The following UBE2W variants were observed in gnomAD, a reference collection of about 807,000 sequenced individuals.
UBE2W encodes ubiquitin conjugating enzyme E2 W.
A neutral mutation model predicts 27.2 loss-of-function variants in UBE2W; 18 were observed. The ratio of observed to expected loss-of-function variants is 0.66; its 90% CI spans 0.46 to 0.98. UBE2W has a LOEUF of 0.98. UBE2W is among the 50% of genes least tolerant of loss of function. The probability of loss-of-function intolerance (pLI) is 0.00; values close to 1 mark genes in which losing one functional copy is unlikely to be tolerated. For synonymous variants in UBE2W, 53 were observed against 57.2 expected (o/e 0.93, Z 0.33); for missense variants, 90 against 180.2 (o/e 0.50, Z 2.87).
chr8:73,809,493 C>T (rs1015508742), intron 4 of UBE2W, among the ~76,000 whole-genome samples: 1 of 152,014 alleles, frequency 6.6e-6, no homozygotes. Flanking sequence ...CTATACTAAC[C>T]CTTAAGCAGG....
chr8:73,842,356 TGTCTC>T, intron 1 of UBE2W, among the ~76,000 whole-genome samples: 1 of 151,376 alleles, frequency 6.6e-6, no homozygotes, highest in African/African-American at 2.4e-5. Flanking sequence ...GGTGAAACCC[TGTCTC>T]GACTAAAAAT....
intron 5 of UBE2W, among the ~76,000 whole-genome samples, chr8:73,797,220 T>C (rs1031161463): frequency 6.6e-6 from 1 of 152,104 alleles, no homozygotes. Flanking sequence ...CTCCTGAGAA[T>C]AAAAACTATC....
chr8:73,835,637 G>A (rs1451487734), intron 1 of UBE2W, among the ~76,000 whole-genome samples: 1 of 152,222 alleles, frequency 6.6e-6, no homozygotes, highest in African/African-American at 2.4e-5. Flanking sequence ...TCGGCTACTC[G>A]GGAGGCTGAG....
At chr8:73,811,146 C>T (rs1809134341) in intron 3 of UBE2W, among the ~76,000 whole-genome samples, 1 of 152,156 alleles carries the variant, frequency 6.6e-6, no homozygotes. Context: ...TAAACTTACA[C>T]ATCCATTATG....
chr8:73,815,861 C>T, intron 3 of UBE2W, among the ~76,000 whole-genome samples: 1 of 152,086 alleles, frequency 6.6e-6, no homozygotes, highest in Non-Finnish European at 1.5e-5. Flanking sequence ...TCTCTGATTA[C>T]AATTATTATA....
intron 5 of UBE2W, among the ~76,000 whole-genome samples, chr8:73,799,923 A>G (rs1360987301): frequency 1.1e-4 from 16 of 152,214 alleles, no homozygotes; most frequent in Admixed American, 1.0e-3. Context: ...TTATACTGGA[A>G]CAAAGCAGTA....
chr8:73,831,048 G>A (rs2130909301), intron 1 of UBE2W: 1 of 199,426 alleles, frequency 5.0e-6, no homozygotes, highest in East Asian at 1.3e-4. Context: ...ACGGAACATG[G>A]AAACTCCACA....
intron 3 of UBE2W, among the ~76,000 whole-genome samples, chr8:73,813,542 C>A (rs1363576420): frequency 6.6e-6 from 1 of 152,190 alleles, no homozygotes. Context: ...CTTTTAGCAA[C>A]CAAAACCAGG....
intron 2 of UBE2W, among the ~76,000 whole-genome samples, 194 bp from the exon 3 acceptor site, chr8:73,825,443 G>A (rs553157052): frequency 1.8e-4 from 28 of 152,162 alleles, no homozygotes; most frequent in African/African-American, 4.8e-4. Flanking sequence ...GACACTCAGC[G>A]GTGAAATAAC....
intron 1 of UBE2W, among the ~76,000 whole-genome samples, chr8:73,840,349 T>C (rs893490209): frequency 6.6e-6 from 1 of 152,140 alleles, no homozygotes; most frequent in Non-Finnish European, 1.5e-5. Flanking sequence ...AGACACCACA[T>C]CCAGCCAAAG....
chr8:73,878,496 CGTGT>C (rs1174588977), intron 1 of UBE2W, among the ~76,000 whole-genome samples: 1 of 152,134 alleles, frequency 6.6e-6, no homozygotes, highest in Non-Finnish European at 1.5e-5. Context: ...TGGCAGCGCC[CGTGT>C]GTGTGTGCGG....
chr8:73,830,334 C>T (rs1810020627), intron 2 of UBE2W, 47 bp downstream of exon 2: 1 of 1,359,662 alleles, frequency 7.4e-7, no homozygotes, highest in Non-Finnish European at 1.0e-6. Context: ...AACATTCATA[C>T]ATTATTGGTA....
chr8:73,871,330 G>A lies in UBE2W; in HGVS notation c.15+7478C>T, dbSNP rs1002459610. ...AGTTGCCTATATACCAACATGGGGA[G>A]TACTACAGAAAACAAGTTTGGGTAA... On this transcript the variant is annotated intron_variant, in intron 1 of 5. Transcript: ENST00000602593. Among the ~76,000 whole-genome samples, 4 of 152,194 alleles carry A rather than the reference G, an allele frequency of 2.6e-5. No homozygotes were observed. In the East Asian group the frequency reaches 7.7e-4, roughly 29 times the overall value.
At chr8:73,822,106 C>T (rs1455474015) in intron 3 of UBE2W, among the ~76,000 whole-genome samples, 5 of 152,188 alleles carry the variant, frequency 3.3e-5, no homozygotes, top group Admixed American at 3.3e-4. Flanking sequence ...CCACAGACCC[C>T]TGGACCGGCC....
downstream of UBE2W, among the ~76,000 whole-genome samples, chr8:73,785,624 C>T (rs909763354): frequency 5.3e-5 from 8 of 152,022 alleles, no homozygotes; most frequent in African/African-American, 1.4e-4. Flanking sequence ...GACGGAATCT[C>T]GCTCTGTCCC....
chr8:73,787,539 G>A lies in UBE2W; in HGVS notation c.*6563C>T, dbSNP rs1036614020. The A allele has an allele frequency of 1.0e-6, 1 of 985,262 alleles. No homozygotes were observed. The highest frequency in any genetic ancestry group is 1.2e-6 in the Non-Finnish European group (1 of 829,930). 61.0% of individuals were successfully genotyped at this position (985,262 alleles called of 1,614,324 possible). On this transcript the variant is annotated 3_prime_UTR_variant, in exon 6 of 6. Transcript: ENST00000602593. ...CAGCTTGAGACATGATCGTTTTTAT[G>A]GCAGAATGGCTGCCTCAATGAGGAC...
At chr8:73,839,552 G>A (rs1586503502) in intron 1 of UBE2W, among the ~76,000 whole-genome samples, 1 of 151,346 alleles carries the variant, frequency 6.6e-6, no homozygotes, top group African/African-American at 2.4e-5. Context: ...TGCTACTCGG[G>A]AGGCTGAGGC....
In UBE2W at chr8:73,856,363, T is replaced by G. The variant is rs573715401; in HGVS notation, c.15+22445A>C. On this transcript the variant is annotated intron_variant, in intron 1 of 5. Transcript: ENST00000602593. ...AAATTATATACACTTATGAATTTTT[T>G]TTTTTTTTTTTTTTTTTTGAGATGG... Among the ~76,000 whole-genome samples, 259 of 136,608 alleles carry G rather than the reference T, an allele frequency of 1.9e-3. 2 individuals are homozygous for G. Among genetic ancestry groups the G allele is most frequent in the African/African-American group, 6.7e-3 (244 of 36,664 alleles). The allele number at this position is 136,608 out of a possible 152,430, so 89.6% of individuals were successfully genotyped here. A position where few individuals can be genotyped will look rare whatever the true frequency, so the allele number is the denominator to read the frequency against.
At chr8:73,845,933 A>G (rs914969349) in intron 1 of UBE2W, among the ~76,000 whole-genome samples, 2 of 152,246 alleles carry the variant, frequency 1.3e-5, no homozygotes, top group East Asian at 1.9e-4. Context: ...TGTGCAGACA[A>G]AAGTTTTACT....
Sources: gnomAD v4.1 joint callset for allele counts (sites outside exome capture counted in the v4.1 genomes callset) on GRCh38, gnomAD v4.1.1 for gene constraint, MANE v1.5 for transcripts, NCBI Gene and HGNC (gene_info 2026-07-23, HGNC 2026-07-21) for gene names.